RBFOX3: variants seen among roughly 807,000 people sequenced by gnomAD.
RBFOX3 encodes RNA binding protein fox-1 homolog 3.
A neutral mutation model predicts 48.7 loss-of-function variants in RBFOX3; 17 were observed. The observed-to-expected ratio is 0.35, with a 90% CI of 0.24 to 0.52. The LOEUF (loss-of-function observed/expected upper bound fraction) is 0.52. Ranked by LOEUF, RBFOX3 falls within the 20% of genes least tolerant of loss-of-function variation. The pLI, the probability that RBFOX3 is intolerant of heterozygous loss-of-function variation, is 0.94. For synonymous variants in RBFOX3, 212 were observed against 209.5 expected (o/e 1.01, Z -0.10); for missense variants, 382 against 497.5 (o/e 0.77, Z 2.21).
chr17:79,612,531 G>A (rs1191405240), upstream of RBFOX3, among the ~76,000 whole-genome samples: 3 of 152,184 alleles, frequency 2.0e-5, no homozygotes, highest in Admixed American at 6.5e-5. Flanking sequence ...GCCCACTTAT[G>A]AGCGTCATGC....
chr17:79,643,993 C>A, the RBFOX3 span, among the ~76,000 whole-genome samples: 1 of 151,466 alleles, frequency 6.6e-6, no homozygotes, highest in African/African-American at 2.4e-5. Context: ...TTGAAAAGAT[C>A]AATAAAAAAA....
At chr17:79,656,652 A>AAAGAAGGAAGGAGGG in the RBFOX3 span, among the ~76,000 whole-genome samples, 58 of 113,292 alleles carry the variant, frequency 5.1e-4, no homozygotes, top group African/African-American at 2.2e-3. Flanking sequence ...GAGAAGAAAG[A>AAAGAAGGAAGGAGGG]AAGGAAGAGA....
At chr17:79,441,678 C>G (rs1280667431) in intron 2 of RBFOX3, among the ~76,000 whole-genome samples, 1 of 152,132 alleles carries the variant, frequency 6.6e-6, no homozygotes, top group Non-Finnish European at 1.5e-5. Context: ...TTTAAGCCCC[C>G]TAGTGTGCGG....
intron 2 of RBFOX3, among the ~76,000 whole-genome samples, chr17:79,456,599 A>G (rs1348735680): frequency 1.3e-5 from 2 of 152,230 alleles, no homozygotes; most frequent in Middle Eastern, 3.4e-3. Flanking sequence ...TTCTTTTAAA[A>G]TATTAATCGG....
chr17:79,343,596 C>A (rs1015204604), intron 2 of RBFOX3, among the ~76,000 whole-genome samples: 3 of 152,160 alleles, frequency 2.0e-5, no homozygotes, highest in Non-Finnish European at 2.9e-5. Context: ...TTGAGCAACA[C>A]CACCACCAGA....
chr17:79,487,913 G>A (rs199575861), intron 1 of RBFOX3, among the ~76,000 whole-genome samples: 57 of 76,898 alleles, frequency 7.4e-4, no homozygotes, highest in East Asian at 2.4e-3. Context: ...CCCCATCTCA[G>A]AAAAAAAAAA....
At chr17:79,260,178 C>A (rs750297565) in intron 3 of RBFOX3, among the ~76,000 whole-genome samples, 5 of 152,066 alleles carry the variant, frequency 3.3e-5, no homozygotes, top group Non-Finnish European at 4.4e-5. Flanking sequence ...TAAGGAGGTA[C>A]AGGGGGAGGT....
At chr17:79,275,921 C>A (rs138920694) in intron 3 of RBFOX3, among the ~76,000 whole-genome samples, 7 of 152,352 alleles carry the variant, frequency 4.6e-5, no homozygotes, top group African/African-American at 1.4e-4. Context: ...TAGCTGCACA[C>A]GCGTATTCAT....
intron 2 of RBFOX3, among the ~76,000 whole-genome samples, chr17:79,455,149 T>C (rs1451446904): frequency 1.3e-5 from 2 of 152,176 alleles, no homozygotes; most frequent in Admixed American, 6.5e-5. Context: ...GGGATGTACA[T>C]GGGCCCCACT....
chr17:79,278,751 C>T (rs1229678962), intron 3 of RBFOX3, among the ~76,000 whole-genome samples: 1 of 152,244 alleles, frequency 6.6e-6, no homozygotes. Context: ...CATCCACATG[C>T]ATAGGGCAGT....
intron 2 of RBFOX3, among the ~76,000 whole-genome samples, chr17:79,378,129 AG>A (rs1298574390): frequency 6.6e-6 from 1 of 151,752 alleles, no homozygotes; most frequent in African/African-American, 2.4e-5. Flanking sequence ...TCCATCTCAT[AG>A]GGGGGGCGCA....
rs1701486427 is a variant in RBFOX3, at chr17:79,252,360, A to C, written c.-73-16555T>G. 6.6e-6 allele frequency among the ~76,000 whole-genome samples: 1 copy of C among 152,104 alleles called. No individual in the cohort carries two copies. The highest frequency in any genetic ancestry group is 1.5e-5 in the Non-Finnish European group (1 of 68,012). On this transcript the variant is annotated intron_variant, in intron 3 of 14. Coordinates refer to ENST00000693108, the MANE Select transcript of RBFOX3 (RefSeq NM_001350451.2). This position sits in a 1 kb window ranked among gnomAD's most constrained non-coding sequence, Gnocchi z 4.0. ...TGAGGCTCAGGGTCTTCTCCCAGAA[A>C]CCTGGTCCTAGCTCAGTGGTCCCTA... is the stretch of plus-strand genomic sequence containing the variant.
intron 4 of RBFOX3, among the ~76,000 whole-genome samples, chr17:79,142,483 C>G (rs1423908642): frequency 1.3e-5 from 2 of 152,196 alleles, no homozygotes; most frequent in East Asian, 3.9e-4. Context: ...ACGAGCCCTC[C>G]CCAGCCTGCT....
chr17:79,216,605 C>G (rs1377618859), intron 4 of RBFOX3, among the ~76,000 whole-genome samples: 3 of 152,180 alleles, frequency 2.0e-5, no homozygotes, highest in African/African-American at 4.8e-5. Context: ...GCACAGGCCC[C>G]ACGGCTGGTG....
rs909647086 is a variant in RBFOX3, at chr17:79,589,192, C to A, written c.-320+21634G>T. Reference sequence around the variant, plus strand: ...AGGACTGCACACTGGCGGCCACAAACAACAGCATGAATCCTCTTGCGCTGC... The same window carrying A: ...AGGACTGCACACTGGCGGCCACAAAAAACAGCATGAATCCTCTTGCGCTGC... On this transcript the variant is annotated intron_variant, in intron 1 of 14. Coordinates refer to ENST00000693108, the MANE Select transcript of RBFOX3 (RefSeq NM_001350451.2). 9.1e-4 allele frequency among the ~76,000 whole-genome samples: 139 copies of A among 152,344 alleles called. 1 individual carries two copies. The highest frequency in any genetic ancestry group is 2.7e-3 in the African/African-American group (112 of 41,588).
chr17:79,515,074 G>A (rs972823405), intron 1 of RBFOX3, among the ~76,000 whole-genome samples: 3 of 152,186 alleles, frequency 2.0e-5, no homozygotes, highest in Admixed American at 6.5e-5. Flanking sequence ...CTCTGCCTGG[G>A]TCCCTCAGCC....
intron 4 of RBFOX3, among the ~76,000 whole-genome samples, chr17:79,230,165 T>C (rs1185254254): frequency 6.6e-6 from 1 of 152,234 alleles, no homozygotes; most frequent in Admixed American, 6.5e-5. Context: ...GCCGTCGGCC[T>C]CTAGGTTCCC....
intron 2 of RBFOX3, among the ~76,000 whole-genome samples, chr17:79,346,616 T>C (rs989817047): frequency 1.3e-5 from 2 of 152,220 alleles, no homozygotes; most frequent in African/African-American, 2.4e-5. Flanking sequence ...CGTCATTTGA[T>C]GAGGCTCCAA....
intron 2 of RBFOX3, among the ~76,000 whole-genome samples, chr17:79,400,208 T>C (rs2148395919): frequency 6.6e-6 from 1 of 152,188 alleles, no homozygotes. Context: ...ATGAATTTTT[T>C]CCTTCACATT....
Sources: gnomAD v4.1 joint callset for allele counts (sites outside exome capture counted in the v4.1 genomes callset) on GRCh38, gnomAD v4.1.1 for gene constraint, Gnocchi (gnomAD v3.1) non-coding constraint, MANE v1.5 for transcripts, NCBI Gene and HGNC (gene_info 2026-07-23, HGNC 2026-07-21) for gene names.